TAF6L: variants seen among roughly 807,000 people sequenced by gnomAD.
The protein encoded by TAF6L is TATA-box binding protein associated factor 6 like.
A neutral mutation model predicts 57.3 loss-of-function variants in TAF6L; 34 were observed. The ratio of observed to expected loss-of-function variants is 0.59; its 90% confidence interval spans 0.45 to 0.79. TAF6L has a LOEUF of 0.79. TAF6L is among the 30% of genes least tolerant of loss of function. TAF6L has a pLI of 0.00. For missense variants in TAF6L, 782 were observed against 853.2 expected, an observed-to-expected ratio of 0.92 and a Z score of 1.04; for synonymous variants, 417 against 376.3, an observed-to-expected ratio of 1.11 and a Z score of -1.25.
rs1394877440 is a variant in TAF6L, at chr11:62,786,847, G to A, written c.1420G>A (p.Glu474Lys). Reference sequence around the variant, plus strand: ...TCCGCGGCCGCCCGGGGACAAGAAGGAGCCGGCGGCAGCCCCGGACTCGGT... The same window carrying A: ...TCCGCGGCCGCCCGGGGACAAGAAGAAGCCGGCGGCAGCCCCGGACTCGGT... ...TAPRPPGDKK[E>K]PAAAPDSVRK... Residue 474 changes from glutamate (E) to lysine (K), a missense_variant, in exon 11 of 11, where the codon GAG (glutamate) becomes AAG (lysine). Around this residue, in one of 3 missense-constraint regions of TAF6L, gnomAD observed 483 missense variants for 445.1 expected, o/e 1.09. Coordinates refer to ENST00000294168, the MANE Select transcript of TAF6L (RefSeq NM_006473.4). 1.9e-6 allele frequency: 3 copies of A among 1,597,720 alleles called. No homozygotes were observed. The highest frequency in any genetic ancestry group is 2.5e-6 in the Non-Finnish European group (3 of 1,177,672).
At position 62,786,559 on chromosome 11, in the gene TAF6L, G is replaced by A; in HGVS notation, c.1132G>A (p.Glu378Lys). The change falls in exon 11 of 11, where the codon GAG becomes AAG. Residue 378 changes from glutamate (E) to lysine (K), a missense_variant. Coordinates refer to ENST00000294168, the MANE Select transcript of TAF6L (RefSeq NM_006473.4). ...GCTGAAGATGAAGGCCCAGGCAGCA[G>A]AGCCCAACAGGGGTGGCCCAGGTGG... ...RLLKMKAQAA[E>K]PNRGGPGGRG... The A allele has an allele frequency of 1.9e-6, 3 of 1,557,648 alleles. No individual in the cohort carries two copies. Among genetic ancestry groups the A allele is most frequent in the South Asian group, 2.4e-5 (2 of 81,914 alleles).
intron 3 of TAF6L, among the ~76,000 whole-genome samples, chr11:62,776,682 C>G (rs1009176173): frequency 1.3e-5 from 2 of 152,046 alleles, no homozygotes; most frequent in Non-Finnish European, 2.9e-5. Context: ...GAAACCCCTT[C>G]TTTACTAAAA....
Position 62,786,689 on chromosome 11 carries a change from T to G in TAF6L, c.1262T>G (p.Leu421Arg), listed in dbSNP as rs1215550703. ...CCCAGCTTTGGGTCCGGCCTCCCGC[T>G]GCCGCCAGGGGGCGCGGGGCCGGAG... ...AEPSFGSGLPLPPGGAGPEDP... is the reference protein window; with the variant it reads ...AEPSFGSGLPRPPGGAGPEDP... The change falls in exon 11 of 11, where the codon CTG becomes CGG. Residue 421 changes from leucine (L) to arginine (R), a missense_variant. Physicochemically the swap from Leu to Arg is moderately radical, Grantham distance 102 (BLOSUM62 -2). Coordinates refer to ENST00000294168, the MANE Select transcript of TAF6L (RefSeq NM_006473.4). The G allele has an allele frequency of 6.2e-7, 1 of 1,612,184 alleles. No homozygotes were observed. The highest frequency in any genetic ancestry group is 1.3e-5 in the African/African-American group (1 of 74,874).
chr11:62,774,940 C>T (rs2084174903), intron 1 of TAF6L, among the ~76,000 whole-genome samples: 2 of 151,262 alleles, frequency 1.3e-5, no homozygotes. Context: ...TGGCAGGTAC[C>T]TGTAATCCCA....
At chr11:62,778,611 A>G (rs1241183716) in intron 5 of TAF6L, 3 of 612,104 alleles carry the variant, frequency 4.9e-6, no homozygotes, top group African/African-American at 1.8e-5. Flanking sequence ...TATGCTGAGC[A>G]GAGCTTCACA....
Position 62,787,049 on chromosome 11 carries a change from C to T in TAF6L, c.1622C>T (p.Thr541Ile), listed in dbSNP as rs768347100. ...GCACCCCGGCAGCAGGGCCCCGGGACCGGCACCCGCGACGTTTTCCAGAAG... is the reference window on the plus strand; with the variant it reads ...GCACCCCGGCAGCAGGGCCCCGGGATCGGCACCCGCGACGTTTTCCAGAAG... Reference protein sequence around the residue: ...RGAPRQQGPGTGTRDVFQKSR... With the variant: ...RGAPRQQGPGIGTRDVFQKSR... Residue 541 changes from threonine to isoleucine, a missense_variant, in exon 11 of 11, where the codon ACC becomes ATC. Thr to Ile is a moderately conservative substitution (Grantham distance 89). Coordinates refer to ENST00000294168, the MANE Select transcript of TAF6L (RefSeq NM_006473.4). 5.3e-6 allele frequency: 8 copies of T among 1,522,036 alleles called. No individual in the cohort carries two copies. Among genetic ancestry groups the T allele is most frequent in the Admixed American group, 2.0e-5 (1 of 50,226 alleles). The allele number at this position is 1,522,036 out of a possible 1,614,324, so 94.3% of individuals were successfully genotyped here.
At chr11:62,782,429 T>A (rs2084237351) in intron 8 of TAF6L, 96 bp downstream of exon 8, 2 of 1,349,688 alleles carry the variant, frequency 1.5e-6, no homozygotes, top group Non-Finnish European at 1.0e-6. Flanking sequence ...TGAGAGTCTA[T>A]GAGAAGATGG....
In TAF6L at chr11:62,787,137, G is replaced by T; in HGVS notation, c.1710G>T (p.Gly570=). The change falls in exon 11 of 11, where the codon GGG becomes GGT. Residue 570 remains glycine, a synonymous_variant. Coordinates refer to ENST00000294168, the MANE Select transcript of TAF6L (RefSeq NM_006473.4). The part of the protein sequence containing the change: ...FRFIIAGRQA[G]RRCRGRLFQT... The stretch of plus-strand genomic sequence containing the variant: ...TCATCATAGCCGGGCGGCAGGCTGG[G>T]AGGCGCTGCCGCGGGCGCCTTTTCC... The T allele has an allele frequency of 6.4e-7, 1 of 1,565,522 alleles. No individual in the cohort carries two copies. The highest frequency in any genetic ancestry group is 1.4e-5 in the African/African-American group (1 of 72,808).
intron 9 of TAF6L, among the ~76,000 whole-genome samples, chr11:62,783,660 G>A (rs1392732112): frequency 6.6e-6 from 1 of 150,604 alleles, no homozygotes; most frequent in Admixed American, 6.7e-5. Context: ...TCACCCTCCC[G>A]AGTAGCTGGG....
chr11:62,772,997 C>A (rs1235749396), intron 1 of TAF6L, among the ~76,000 whole-genome samples: 1 of 151,350 alleles, frequency 6.6e-6, no homozygotes, highest in African/African-American at 2.4e-5. Context: ...CCTGCCTCAG[C>A]CTCCTGGGTA....
At chr11:62,785,237 G>A (rs1373666529) in intron 9 of TAF6L, among the ~76,000 whole-genome samples, 2 of 151,658 alleles carry the variant, frequency 1.3e-5, no homozygotes, top group African/African-American at 4.8e-5. Context: ...TGTCACCCAG[G>A]CTGGAGTGCA....
At chr11:62,786,471 C>T in intron 10 of TAF6L, 46 bp from the exon 11 acceptor site, 2 of 1,585,354 alleles carry the variant, frequency 1.3e-6, no homozygotes, top group Non-Finnish European at 1.7e-6. Context: ...TTGATGGGCC[C>T]AGGTTCCTCG....
Position 62,782,820 on chromosome 11 carries a change from T to C in TAF6L, c.955T>C (p.Trp319Arg). 6.2e-7 allele frequency: 1 copy of C among 1,614,054 alleles called. No homozygotes were observed. The highest frequency in any genetic ancestry group is 8.5e-7 in the Non-Finnish European group (1 of 1,180,004). ...GAVVGLHALG[W>R]KAVERVLYPH... ...CGTGGTGGGGCTGCATGCTCTTGGC[T>C]GGAAGGTGAGCACCCTGGCCTTTCT... The change falls in exon 9 of 11, where the codon TGG becomes CGG. Residue 319 changes from tryptophan to arginine, a missense_variant. Coordinates refer to ENST00000294168, the MANE Select transcript of TAF6L (RefSeq NM_006473.4).
rs202243049 is a variant in TAF6L at position 62,775,832 on chromosome 11, G to A, written c.49G>A (p.Val17Ile). 56 of 1,613,098 alleles carry A rather than the reference G, an allele frequency of 3.5e-5. No individual in the cohort carries two copies. Among genetic ancestry groups the A allele is most frequent in the Non-Finnish European group, 4.5e-5 (53 of 1,179,984 alleles). Residue 17 changes from valine to isoleucine, a missense_variant, in exon 2 of 11, where the codon GTC becomes ATC. Physicochemically the swap from Val to Ile is conservative, Grantham distance 29 (BLOSUM62 3). Around this residue, in one of 3 missense-constraint regions of TAF6L, gnomAD observed 220 missense variants for 252.1 expected, o/e 0.87. Coordinates refer to ENST00000294168, the MANE Select transcript of TAF6L (RefSeq NM_006473.4). ...GTTTGTGGAGATCCCTCGGGAGTCT[G>A]TCCGGCTCATGGCGGAGAGCACGGG... ...RRFVEIPRES[V>I]RLMAESTGLE... is the part of the protein sequence containing the mutation.
intron 9 of TAF6L, 166 bp from the exon 10 acceptor site, chr11:62,786,094 C>T (rs2084272177): frequency 1.3e-6 from 1 of 799,570 alleles, no homozygotes; most frequent in Non-Finnish European, 2.0e-6. Context: ...CTTAGGTATA[C>T]AGTAGGTTCC....
intron 9 of TAF6L, among the ~76,000 whole-genome samples, chr11:62,783,473 C>G (rs1311115444): frequency 1.3e-5 from 2 of 148,316 alleles, no homozygotes; most frequent in African/African-American, 5.0e-5. Flanking sequence ...CAGAGCGAGA[C>G]TCTGTCTCAA....
chr11:62,776,144 C>T (rs1483019163), intron 2 of TAF6L, among the ~76,000 whole-genome samples: 1 of 152,150 alleles, frequency 6.6e-6, no homozygotes, highest in East Asian at 1.9e-4. Flanking sequence ...TCACAACAGC[C>T]CTGTTGGGCA....
chr11:62,778,514 C>T, intron 5 of TAF6L, 179 bp downstream of exon 5: 2 of 707,888 alleles, frequency 2.8e-6, no homozygotes, highest in Non-Finnish European at 4.9e-6. Flanking sequence ...GATGGGGGCC[C>T]AGACCTGTAA....
Position 62,787,296 on chromosome 11 carries a change from A to C in TAF6L, c.1869A>C (p.Ter623CysextTer10). The C allele has an allele frequency of 6.5e-7, 1 of 1,537,694 alleles. No homozygotes were observed. Among genetic ancestry groups the C allele is most frequent in the Non-Finnish European group, 8.7e-7 (1 of 1,149,446 alleles). The change falls in exon 11 of 11, where the codon TGA becomes TGC. Residue 623 changes from the stop codon to cysteine (C), a stop_lost. Coordinates refer to ENST00000294168, the MANE Select transcript of TAF6L (RefSeq NM_006473.4). ...ACTACTCGCTGTACTTGCCGCTCTG[A>C]GTCAGTGGCCCCTTCGTTCCTTGTA... The part of the protein sequence containing the change: ...LSDYSLYLPL[*>C]
Sources: gnomAD v4.1 joint callset for allele counts (sites outside exome capture counted in the v4.1 genomes callset) on GRCh38, gnomAD v4.1.1 for gene constraint, gnomAD v4.1.1 regional missense constraint, MANE v1.5 for transcripts, NCBI Gene and HGNC (gene_info 2026-07-23, HGNC 2026-07-21) for gene names.